PHACTR3: variants seen among roughly 807,000 people sequenced by gnomAD.
The protein encoded by PHACTR3 is protein phosphatase 1, regulatory subunit 123.
A neutral mutation model predicts 66.8 loss-of-function variants in PHACTR3; 16 were observed. The ratio of observed to expected loss-of-function variants is 0.24; its 90% CI spans 0.16 to 0.36. The LOEUF is 0.36. Ranked by LOEUF, PHACTR3 falls within the 10% of genes least tolerant of loss-of-function variation. The probability of loss-of-function intolerance (pLI) is 1.00; values close to 1 mark genes in which losing one functional copy is unlikely to be tolerated. For synonymous variants in PHACTR3, 323 were observed against 292.1 expected (o/e 1.11, Z -1.08); for missense variants, 647 against 719.9 (o/e 0.90, Z 1.16).
At chr20:59,726,388 A>AGCT (rs1482074943) in intron 1 of PHACTR3, among the ~76,000 whole-genome samples, 5 of 152,108 alleles carry the variant, frequency 3.3e-5, no homozygotes, top group East Asian at 1.9e-4. Context: ...CTCAGTGCAG[A>AGCT]GCTGCTGCTG....
intron 4 of PHACTR3, among the ~76,000 whole-genome samples, chr20:59,759,498 GT>G (rs367978639): frequency 0.022 from 3,391 of 152,278 alleles, 57 homozygotes; most frequent in Non-Finnish European, 0.035. Flanking sequence ...CTGTAGATGG[GT>G]GTTGGAGTTT....
intron 1 of PHACTR3, among the ~76,000 whole-genome samples, chr20:59,685,255 G>A (rs1372992027): frequency 6.6e-6 from 1 of 152,128 alleles, no homozygotes; most frequent in Non-Finnish European, 1.5e-5. Flanking sequence ...CCCTGTCCCT[G>A]CCTCCCATTG....
intron 1 of PHACTR3, among the ~76,000 whole-genome samples, chr20:59,689,699 C>A (rs1038165220): frequency 2.6e-5 from 4 of 152,164 alleles, no homozygotes; most frequent in Non-Finnish European, 5.9e-5. Flanking sequence ...GTGGTAATCC[C>A]TCTTGTAGAG....
intron 9 of PHACTR3, among the ~76,000 whole-genome samples, chr20:59,837,289 CT>C (rs1312774601): frequency 1.3e-5 from 2 of 152,088 alleles, no homozygotes; most frequent in Non-Finnish European, 2.9e-5. Flanking sequence ...TTTTAAAGGA[CT>C]TTTTTTCTCT....
rs777163907 is a variant in PHACTR3 at position 59,605,089 on chromosome 20, C to A, written c.75C>A (p.Thr25=). Residue 25 remains threonine, a synonymous_variant, in exon 1 of 13, where the codon ACC becomes ACA. Coordinates refer to ENST00000371015, the MANE Select transcript of PHACTR3 (RefSeq NM_080672.5). ...CGCAGAGTGACCCCAGCGTCCTCAC[C>A]GACTCCTCGGCCACCTCCTCCGCGG... ...GRSQSDPSVL[T]DSSATSSADA... is the part of the protein sequence containing the mutation. 13 of 1,411,832 alleles carry A rather than the reference C, an allele frequency of 9.2e-6. No individual in the cohort carries two copies. The highest frequency in any genetic ancestry group is 2.4e-4 in the Middle Eastern group (1 of 4,180). 87.5% of individuals were successfully genotyped at this position (1,411,832 alleles called of 1,614,324 possible). A position where few individuals can be genotyped will look rare whatever the true frequency, so the allele number is the denominator to read the frequency against.
At chr20:59,673,127 GCTTTTGGGGCAT>G (rs773992887) in intron 1 of PHACTR3, among the ~76,000 whole-genome samples, 6 of 152,172 alleles carry the variant, frequency 3.9e-5, no homozygotes, top group Non-Finnish European at 8.8e-5. Flanking sequence ...TAGACTTGGA[GCTTTTGGGGCAT>G]CTTCCTGGGA....
At chr20:59,718,554 T>C (rs997398603) in intron 1 of PHACTR3, among the ~76,000 whole-genome samples, 10 of 148,078 alleles carry the variant, frequency 6.8e-5, no homozygotes, top group African/African-American at 2.5e-4. Flanking sequence ...AGGCCCCTTT[T>C]GATGCTATAG....
chr20:59,578,810 C>T (rs1407651576), intron 1 of PHACTR3, among the ~76,000 whole-genome samples: 1 of 152,190 alleles, frequency 6.6e-6, no homozygotes, highest in Non-Finnish European at 1.5e-5. Flanking sequence ...CGCTATCTGC[C>T]AGGCCTTCTG....
chr20:59,638,915 A>G (rs1197731320), intron 1 of PHACTR3, among the ~76,000 whole-genome samples: 2 of 142,762 alleles, frequency 1.4e-5, no homozygotes, highest in East Asian at 4.3e-4. Context: ...ATGGAGATTG[A>G]TAGATGGATA....
intron 8 of PHACTR3, among the ~76,000 whole-genome samples, chr20:59,818,979 A>G (rs2041958516): frequency 6.6e-6 from 1 of 152,078 alleles, no homozygotes; most frequent in African/African-American, 2.4e-5. Flanking sequence ...CCTAGGAGAC[A>G]CTCGGGGAAC....
intron 1 of PHACTR3, among the ~76,000 whole-genome samples, chr20:59,683,982 A>G (rs1478737899): frequency 6.6e-6 from 1 of 152,170 alleles, no homozygotes; most frequent in African/African-American, 2.4e-5. Context: ...GCAAACTGCA[A>G]TTTGCAAGAA....
intron 1 of PHACTR3, among the ~76,000 whole-genome samples, chr20:59,732,689 A>T (rs1185239382): frequency 6.6e-6 from 1 of 152,090 alleles, no homozygotes; most frequent in Non-Finnish European, 1.5e-5. Flanking sequence ...CACTGTCGGG[A>T]GTCAGTGGGA....
At chr20:59,695,791 G>A (rs2037276374) in intron 1 of PHACTR3, among the ~76,000 whole-genome samples, 1 of 151,766 alleles carries the variant, frequency 6.6e-6, no homozygotes, top group Non-Finnish European at 1.5e-5. Context: ...GGAGTGCAGA[G>A]GCATAATATC....
chr20:59,695,958 C>T (rs997154561), intron 1 of PHACTR3, among the ~76,000 whole-genome samples: 1 of 152,074 alleles, frequency 6.6e-6, no homozygotes, highest in Non-Finnish European at 1.5e-5. Context: ...GTCTCAAACT[C>T]CTGACCTCAA....
At chr20:59,823,431 A>T (rs868237308) in intron 8 of PHACTR3, among the ~76,000 whole-genome samples, 2 of 152,212 alleles carry the variant, frequency 1.3e-5, no homozygotes, top group African/African-American at 4.8e-5. Context: ...GCCCCAGGTG[A>T]CTACTCAAAA....
intron 1 of PHACTR3, chr20:59,628,508 G>T: frequency 2.3e-6 from 1 of 434,398 alleles, no homozygotes; most frequent in Non-Finnish European, 3.1e-6. Context: ...CCCTCGGAGT[G>T]CAGCCGTGCA....
intron 1 of PHACTR3, among the ~76,000 whole-genome samples, chr20:59,696,420 T>C (rs2037298810): frequency 6.6e-6 from 1 of 152,106 alleles, no homozygotes; most frequent in African/African-American, 2.4e-5. Flanking sequence ...TGAGTGACCA[T>C]CTCAGGCCCG....
chr20:59,769,298 A>C (rs1182484), intron 5 of PHACTR3, among the ~76,000 whole-genome samples: 100,048 of 152,164 alleles, frequency 0.66, 35,507 homozygotes, highest in Non-Finnish European at 0.8. Context: ...GTTTGGAATA[A>C]GGGTCTCTCA....
chr20:59,647,576 T>G (rs773882721), intron 1 of PHACTR3, among the ~76,000 whole-genome samples: 56 of 152,214 alleles, frequency 3.7e-4, no homozygotes, highest in Admixed American at 2.7e-3. Flanking sequence ...TCCTCTTCAT[T>G]CTTATTCACA....
Sources: allele counts gnomAD v4.1 joint callset (sites outside exome capture counted in the v4.1 genomes callset), GRCh38; gene constraint gnomAD v4.1.1; transcripts MANE v1.5; gene names NCBI Gene and HGNC (gene_info 2026-07-23, HGNC 2026-07-21).